The following FILIP1L variants were observed in gnomAD, a reference collection of about 807,000 sequenced individuals.
The protein encoded by FILIP1L is filamin A interacting protein 1 like, also known as filamin A-interacting protein 1-like.
A neutral mutation model predicts 96.6 loss-of-function variants in FILIP1L; 55 were observed. That is an observed-to-expected ratio of 0.57 (90% CI 0.46 to 0.71). The LOEUF is 0.71. Ranked by LOEUF, FILIP1L falls within the 30% of genes least tolerant of loss-of-function variation. FILIP1L has a pLI of 0.00. For synonymous variants in FILIP1L, 467 were observed against 473.9 expected (o/e 0.99, Z 0.19); for missense variants, 1,304 against 1,321.2 (o/e 0.99, Z 0.20).
At chr3:100,045,954 G>T (rs1284086034) in intron 1 of FILIP1L, among the ~76,000 whole-genome samples, 2 of 152,124 alleles carry the variant, frequency 1.3e-5, no homozygotes, top group African/African-American at 2.4e-5. Flanking sequence ...GTGGATGAGA[G>T]AAGGGAAGGG....
intron 1 of FILIP1L, among the ~76,000 whole-genome samples, chr3:99,991,589 C>A (rs1709510907): frequency 6.6e-6 from 1 of 151,948 alleles, no homozygotes; most frequent in Non-Finnish European, 1.5e-5. Flanking sequence ...AATTTTTCAA[C>A]CCTCACCCCC....
chr3:99,964,480 A>G (rs1045363301), intron 1 of FILIP1L: 3 of 152,714 alleles, frequency 2.0e-5, no homozygotes, highest in Non-Finnish European at 4.4e-5. Context: ...CTGACAGGTA[A>G]GTGATCTGCT....
intron 1 of FILIP1L, among the ~76,000 whole-genome samples, chr3:99,965,329 G>A (rs76406835): frequency 0.012 from 1,766 of 152,300 alleles, 19 homozygotes; most frequent in African/African-American, 0.026. Flanking sequence ...AGGTTGGCCT[G>A]TGTTCTTACT....
chr3:99,942,807 C>T (rs751052073), intron 1 of FILIP1L, among the ~76,000 whole-genome samples: 3 of 150,890 alleles, frequency 2.0e-5, no homozygotes, highest in Non-Finnish European at 2.9e-5. Flanking sequence ...CTAGCCTCGG[C>T]GACAGAGTGT....
At chr3:100,055,285 T>C (rs1274323174) in intron 1 of FILIP1L, among the ~76,000 whole-genome samples, 1 of 152,204 alleles carries the variant, frequency 6.6e-6, no homozygotes, top group Non-Finnish European at 1.5e-5. Context: ...TTCCTCAGTA[T>C]CTTTAGCATT....
chr3:99,979,654 C>G (rs1709064031), intron 1 of FILIP1L, among the ~76,000 whole-genome samples: 1 of 152,114 alleles, frequency 6.6e-6, no homozygotes, highest in Admixed American at 6.6e-5. Context: ...AGTATTACCT[C>G]TATATGTCAA....
intron 1 of FILIP1L, among the ~76,000 whole-genome samples, chr3:100,090,867 A>G (rs1025311342): frequency 6.6e-6 from 1 of 152,250 alleles, no homozygotes; most frequent in East Asian, 1.9e-4. Flanking sequence ...GCTTCATTCC[A>G]TCCCATGTAG....
chr3:100,000,772 G>T (rs1376264956), intron 1 of FILIP1L, among the ~76,000 whole-genome samples: 5 of 152,238 alleles, frequency 3.3e-5, no homozygotes, highest in African/African-American at 9.6e-5. Context: ...ACTGTTTACA[G>T]TTTGGTGTTT....
At chr3:99,968,229 G>C (rs1047313004) in intron 1 of FILIP1L, among the ~76,000 whole-genome samples, 2 of 152,164 alleles carry the variant, frequency 1.3e-5, no homozygotes, top group Admixed American at 1.3e-4. Context: ...TGGGAGAGTA[G>C]TATGTTCATA....
At chr3:99,978,004 C>A (rs1709020136) in intron 1 of FILIP1L, among the ~76,000 whole-genome samples, 1 of 152,176 alleles carries the variant, frequency 6.6e-6, no homozygotes, top group Admixed American at 6.5e-5. Flanking sequence ...GATTAATATT[C>A]TGTTTTGAAG....
At chr3:100,055,906 TGTATA>T (rs1359634631) in intron 1 of FILIP1L, among the ~76,000 whole-genome samples, 1 of 152,244 alleles carries the variant, frequency 6.6e-6, no homozygotes, top group African/African-American at 2.4e-5. Context: ...AAAGATTATC[TGTATA>T]GTACCCTCAT....
chr3:99,958,419 G>A (rs1199436307), intron 1 of FILIP1L, among the ~76,000 whole-genome samples: 2 of 152,006 alleles, frequency 1.3e-5, no homozygotes, highest in African/African-American at 4.8e-5. Flanking sequence ...ACAGTGGGCA[G>A]TGTGTGACTG....
intron 1 of FILIP1L, among the ~76,000 whole-genome samples, chr3:99,992,002 ATGTGTG>A (rs1201211092): frequency 6.7e-6 from 1 of 149,646 alleles, no homozygotes; most frequent in African/African-American, 2.5e-5. Flanking sequence ...ACGTATATAT[ATGTGTG>A]TGTGTATATA....
At chr3:100,079,965 T>C (rs911793942) in intron 1 of FILIP1L, among the ~76,000 whole-genome samples, 4 of 152,132 alleles carry the variant, frequency 2.6e-5, no homozygotes, top group African/African-American at 9.7e-5. Context: ...TCATGGCATA[T>C]TGAGAAACAG....
At chr3:100,034,019 A>G (rs1190087213) in intron 1 of FILIP1L, among the ~76,000 whole-genome samples, 3 of 152,204 alleles carry the variant, frequency 2.0e-5, no homozygotes, top group Non-Finnish European at 2.9e-5. Flanking sequence ...GATTGAAGAA[A>G]CATGGTGCTA....
At chr3:100,078,624 C>T (rs1469639449) in intron 1 of FILIP1L, among the ~76,000 whole-genome samples, 9 of 152,122 alleles carry the variant, frequency 5.9e-5, no homozygotes, top group South Asian at 2.1e-4. Context: ...CATGGTGGCT[C>T]GCTGGCCTGT....
At chr3:100,037,896 A>G (rs2065133952) in intron 1 of FILIP1L, among the ~76,000 whole-genome samples, 2 of 151,554 alleles carry the variant, frequency 1.3e-5, no homozygotes, top group African/African-American at 4.9e-5. Flanking sequence ...CAGCCACACT[A>G]ACTGGCTCTG....
At chr3:100,077,425 A>G (rs1576027727) in intron 1 of FILIP1L, among the ~76,000 whole-genome samples, 1 of 152,344 alleles carries the variant, frequency 6.6e-6, no homozygotes, top group East Asian at 1.9e-4. Context: ...GTTAAACAAA[A>G]AAGGTGGTTA....
At chr3:99,982,507 A>AT (rs1303631700) in intron 1 of FILIP1L, among the ~76,000 whole-genome samples, 1 of 151,882 alleles carries the variant, frequency 6.6e-6, no homozygotes, top group African/African-American at 2.4e-5. Context: ...CGCCCAGCTA[A>AT]TTTTTTTATT....
Sources: allele counts gnomAD v4.1 joint callset (sites outside exome capture counted in the v4.1 genomes callset), GRCh38; gene constraint gnomAD v4.1.1; transcripts MANE v1.5; gene names NCBI Gene and HGNC (gene_info 2026-07-23, HGNC 2026-07-21).